ELMO1: variants seen among roughly 807,000 people sequenced by gnomAD.
ELMO1 encodes engulfment and cell motility 1, also known as engulfment and cell motility protein 1.
Under a neutral mutation model 98.9 loss-of-function variants are expected in ELMO1, and 26 were observed. The ratio of observed to expected loss-of-function variants is 0.26; its 90% confidence interval spans 0.19 to 0.36. The LOEUF (loss-of-function observed/expected upper bound fraction) is 0.36. Ranked by LOEUF, ELMO1 falls within the 10% of genes least tolerant of loss-of-function variation. The pLI, the probability that ELMO1 is intolerant of heterozygous loss-of-function variation, is 1.00. For synonymous variants in ELMO1, 346 were observed against 346.0 expected, an observed-to-expected ratio of 1.00 and a Z score of 0.00; for missense variants, 627 against 935.2, an observed-to-expected ratio of 0.67 and a Z score of 4.30.
intron 13 of ELMO1, among the ~76,000 whole-genome samples, chr7:37,205,786 G>T (rs1792580247): frequency 6.6e-6 from 1 of 152,132 alleles, no homozygotes; most frequent in African/African-American, 2.4e-5. Context: ...AAAAAAGCAT[G>T]TTGAATATTG....
chr7:37,223,239 A>G (rs1793694841), intron 9 of ELMO1, among the ~76,000 whole-genome samples: 1 of 152,402 alleles, frequency 6.6e-6, no homozygotes, highest in South Asian at 2.1e-4. Flanking sequence ...ACCAGAAATA[A>G]TAAAATGAAA....
Position 37,321,716 on chromosome 7 carries a change from C to CAAAAAAAAAAAAAAA in ELMO1, c.79-5771_79-5757dup, listed in dbSNP as rs565421716. Among the ~76,000 whole-genome samples, 195 of 66,050 alleles carry CAAAAAAAAAAAAAAA rather than the reference C, an allele frequency of 3.0e-3. 8 individuals carry two copies. Among genetic ancestry groups the CAAAAAAAAAAAAAAA allele is most frequent in the African/African-American group, 0.01 (125 of 12,410 alleles). The allele number at this position is 66,050 out of a possible 152,430, so 43.3% of individuals were successfully genotyped here. On this transcript the variant is annotated intron_variant, in intron 2 of 21. Coordinates refer to ENST00000310758, the MANE Select transcript of ELMO1 (RefSeq NM_014800.11). ...TGGGCAACAGAGCGAGACTCCGTCT[C>CAAAAAAAAAAAAAAA]AAAAAAAAAAAAAAAAAAAAAACAC... is the stretch of plus-strand genomic sequence containing the variant.
intron 18 of ELMO1, among the ~76,000 whole-genome samples, chr7:36,883,943 C>T (rs1371747952): frequency 2.0e-5 from 3 of 152,178 alleles, no homozygotes; most frequent in African/African-American, 7.2e-5. Flanking sequence ...GCTTATACTT[C>T]GTGGTCAACA....
intron 15 of ELMO1, among the ~76,000 whole-genome samples, chr7:37,041,768 A>C (rs974734338): frequency 1.3e-5 from 2 of 152,148 alleles, no homozygotes; most frequent in African/African-American, 4.8e-5. Context: ...ACGTGGCAGA[A>C]AAGCAACCCC....
At chr7:37,161,372 A>G (rs1336561777) in intron 13 of ELMO1, among the ~76,000 whole-genome samples, 1 of 152,158 alleles carries the variant, frequency 6.6e-6, no homozygotes, top group Non-Finnish European at 1.5e-5. Flanking sequence ...ATTGTACTTA[A>G]GGGGCCTCCT....
chr7:36,918,455 G>A (rs1784879657), intron 16 of ELMO1, among the ~76,000 whole-genome samples: 1 of 152,302 alleles, frequency 6.6e-6, no homozygotes, highest in Admixed American at 6.5e-5. Flanking sequence ...TATGAGTGTA[G>A]AAGGCTAGTT....
intron 1 of ELMO1, among the ~76,000 whole-genome samples, chr7:37,409,047 G>A (rs1314698818): frequency 2.0e-5 from 3 of 151,040 alleles, no homozygotes; most frequent in East Asian, 2.0e-4. Flanking sequence ...CTGAAACAAC[G>A]GAAAGCACAG....
intron 1 of ELMO1, among the ~76,000 whole-genome samples, chr7:37,401,729 CA>C (rs1803542345): frequency 6.6e-6 from 1 of 152,134 alleles, no homozygotes; most frequent in Non-Finnish European, 1.5e-5. Context: ...GGGTAACTGC[CA>C]CCATGATTCA....
chr7:36,928,600 T>C (rs1180848042), intron 16 of ELMO1, among the ~76,000 whole-genome samples: 1 of 152,064 alleles, frequency 6.6e-6, no homozygotes, highest in Non-Finnish European at 1.5e-5. Context: ...CACCAACCCC[T>C]ATTTCAGGCT....
At chr7:37,302,281 C>G (rs1469768755) in intron 4 of ELMO1, among the ~76,000 whole-genome samples, 3 of 152,130 alleles carry the variant, frequency 2.0e-5, no homozygotes, top group Non-Finnish European at 4.4e-5. Flanking sequence ...CAGGTGTGTG[C>G]CATGCACCAG....
chr7:37,303,962 T>C (rs1323444103), intron 4 of ELMO1, among the ~76,000 whole-genome samples: 2 of 152,184 alleles, frequency 1.3e-5, no homozygotes, highest in Non-Finnish European at 2.9e-5. Flanking sequence ...CCCACCGACA[T>C]CTGAGTAATG....
At chr7:36,930,589 G>C (rs1451878945) in intron 16 of ELMO1, among the ~76,000 whole-genome samples, 1 of 152,188 alleles carries the variant, frequency 6.6e-6, no homozygotes, top group Non-Finnish European at 1.5e-5. Flanking sequence ...CTCCTCAAAA[G>C]AGTAGTCATA....
intron 7 of ELMO1, among the ~76,000 whole-genome samples, chr7:37,240,749 T>C (rs1425917928): frequency 6.6e-6 from 1 of 152,080 alleles, no homozygotes; most frequent in African/African-American, 2.4e-5. Flanking sequence ...TATGAAAGAG[T>C]GTTTTCTAAT....
chr7:37,361,609 G>T (rs1801700725), intron 1 of ELMO1, among the ~76,000 whole-genome samples: 1 of 152,162 alleles, frequency 6.6e-6, no homozygotes, highest in African/African-American at 2.4e-5. Context: ...AGTTATAAAA[G>T]ACAACATACT....
chr7:37,164,349 C>T (rs1789475432), intron 13 of ELMO1, among the ~76,000 whole-genome samples: 1 of 151,930 alleles, frequency 6.6e-6, no homozygotes, highest in South Asian at 2.1e-4. Context: ...TAATTAGATC[C>T]CATTTGTCAA....
At chr7:37,376,162 T>A (rs1265631889) in intron 1 of ELMO1, 4 of 286,444 alleles carry the variant, frequency 1.4e-5, no homozygotes, top group African/African-American at 8.8e-5. Flanking sequence ...TAGCAAGGTA[T>A]AGAATTATAC....
At chr7:37,109,838 G>A (rs1785149487) in intron 14 of ELMO1, among the ~76,000 whole-genome samples, 1 of 152,190 alleles carries the variant, frequency 6.6e-6, no homozygotes, top group Non-Finnish European at 1.5e-5. Context: ...GTAAAAAGTG[G>A]AAAGCAAGAG....
intron 16 of ELMO1, among the ~76,000 whole-genome samples, chr7:36,977,252 A>C (rs1790634183): frequency 6.6e-6 from 1 of 152,184 alleles, no homozygotes; most frequent in South Asian, 2.1e-4. Flanking sequence ...TGATCACTAC[A>C]CTGAAAATTT....
At chr7:37,288,429 T>C (rs1797510698) in intron 4 of ELMO1, among the ~76,000 whole-genome samples, 2 of 152,214 alleles carry the variant, frequency 1.3e-5, no homozygotes, top group Non-Finnish European at 2.9e-5. Context: ...TTCTCCATGT[T>C]GGTCAGGCTG....
Sources: gnomAD v4.1 joint callset for allele counts (sites outside exome capture counted in the v4.1 genomes callset) on GRCh38, gnomAD v4.1.1 for gene constraint, MANE v1.5 for transcripts, NCBI Gene and HGNC (gene_info 2026-07-23, HGNC 2026-07-21) for gene names.